The following RHOT1 variants were observed in gnomAD, a reference collection of about 807,000 sequenced individuals.
The protein encoded by RHOT1 is ras homolog family member T1, also known as mitochondrial Rho GTPase 1.
RHOT1 carries 27 observed loss-of-function variants against 95.3 expected under a neutral mutation model. The ratio of observed to expected loss-of-function variants is 0.28; its 90% confidence interval spans 0.21 to 0.39. The LOEUF (loss-of-function observed/expected upper bound fraction) is 0.39, where lower values mean the gene tolerates loss of function less well. Among genes scored for constraint, RHOT1 ranks in the 10% least tolerant of loss-of-function variants. RHOT1 has a pLI of 1.00. For missense variants in RHOT1, 578 were observed against 786.7 expected (o/e 0.73, Z 3.17); for synonymous variants, 227 against 263.5 (o/e 0.86, Z 1.34).
chr17:32,150,879 A>G lies in RHOT1; in HGVS notation c.37+8150A>G, dbSNP rs536791107. 2,847 of 1,540,222 alleles carry G rather than the reference A, an allele frequency of 1.8e-3. 7 individuals are homozygous for G. The highest frequency in any genetic ancestry group is 5.3e-3 in the Middle Eastern group (31 of 5,800). On this transcript the variant is annotated intron_variant, in intron 1 of 19. Coordinates refer to ENST00000545287, the MANE Select transcript of RHOT1 (RefSeq NM_001033566.3). Reference sequence around the variant, plus strand: ...AATCTGAAACCACGGGAGAAAAAGCATAAGCACTGGGGGATGTTCTGGGGG... The same window carrying G: ...AATCTGAAACCACGGGAGAAAAAGCGTAAGCACTGGGGGATGTTCTGGGGG...
At chr17:32,175,687 C>T (rs1030710200) in intron 4 of RHOT1, among the ~76,000 whole-genome samples, 1 of 152,182 alleles carries the variant, frequency 6.6e-6, no homozygotes, top group Admixed American at 6.6e-5. Flanking sequence ...AACTCCTGCC[C>T]TCAAGTGATA....
chr17:32,190,885 T>C (rs2036439118), intron 8 of RHOT1, among the ~76,000 whole-genome samples: 1 of 152,134 alleles, frequency 6.6e-6, no homozygotes, highest in Non-Finnish European at 1.5e-5. Flanking sequence ...AACCTCTGCC[T>C]CCCGGGTTCA....
intron 6 of RHOT1, among the ~76,000 whole-genome samples, chr17:32,180,651 C>T (rs1386244160): frequency 5.8e-5 from 2 of 34,208 alleles, no homozygotes; most frequent in Non-Finnish European, 1.3e-4. Context: ...AAAAAAAGTA[C>T]AAGAAAAAAA....
Position 32,158,754 on chromosome 17 carries a change from G to A in RHOT1, c.38-12289G>A, listed in dbSNP as rs544410170. The stretch of plus-strand genomic sequence containing the variant: ...ATTGCAGGCATGAGCCAGCGTGTCC[G>A]GCCGTTTCTTGGTATTTTAGCTATA... On this transcript the variant is annotated intron_variant, in intron 1 of 19. Coordinates refer to ENST00000545287, the MANE Select transcript of RHOT1 (RefSeq NM_001033566.3). 1.4e-4 allele frequency among the ~76,000 whole-genome samples: 22 copies of A among 152,246 alleles called. 1 individual carries two copies. The highest frequency in any genetic ancestry group is 5.3e-4 in the African/African-American group (22 of 41,524).
chr17:32,215,765 C>T (rs535702146), intron 19 of RHOT1, among the ~76,000 whole-genome samples: 4 of 152,154 alleles, frequency 2.6e-5, no homozygotes, highest in East Asian at 1.9e-4. Context: ...TTTAATTGAA[C>T]GTATATTAAC....
At chr17:32,201,143 C>A in intron 14 of RHOT1, 87 bp downstream of exon 14, 1 of 715,212 alleles carries the variant, frequency 1.4e-6, no homozygotes, top group Non-Finnish European at 2.3e-6. Flanking sequence ...AGAATACACT[C>A]ATCTTCATTA....
intron 8 of RHOT1, among the ~76,000 whole-genome samples, chr17:32,187,815 T>C (rs2036172268): frequency 1.3e-5 from 2 of 152,210 alleles, no homozygotes; most frequent in South Asian, 4.1e-4. Flanking sequence ...GTGATCTGCC[T>C]GCCTTGGCCT....
intron 1 of RHOT1, among the ~76,000 whole-genome samples, chr17:32,162,108 G>C (rs570015689): frequency 1.3e-5 from 2 of 152,278 alleles, no homozygotes; most frequent in African/African-American, 4.8e-5. Flanking sequence ...CTTGACTCCA[G>C]CTGTTTCCCT....
chr17:32,209,355 A>T (rs771050102), intron 18 of RHOT1: 4 of 1,593,384 alleles, frequency 2.5e-6, no homozygotes, highest in Non-Finnish European at 3.4e-6. Flanking sequence ...TACAGAGAGG[A>T]TCATTACAGA....
Position 32,182,754 on chromosome 17 carries a change from T to C in RHOT1, c.330-3T>C, listed in dbSNP as rs1255875899. The C allele has an allele frequency of 3.2e-6, 5 of 1,549,818 alleles. No individual in the cohort carries two copies. The African/African-American group carries it at 5.5e-5, about 17-fold the overall frequency. On this transcript the variant is annotated splice_polypyrimidine_tract_variant and splice_region_variant and intron_variant, in intron 6 of 19. Coordinates refer to ENST00000545287, the MANE Select transcript of RHOT1 (RefSeq NM_001033566.3). ...TTATTACAATGTGCCCTGTTTATTT[T>C]AGGCTGCCTTTAATATTGGTTGGGA...
At chr17:32,214,290 C>T (rs1598462704) in intron 19 of RHOT1, among the ~76,000 whole-genome samples, 1 of 152,154 alleles carries the variant, frequency 6.6e-6, no homozygotes, top group African/African-American at 2.4e-5. Flanking sequence ...AAAGAGGCAG[C>T]CACCACTCAG....
intron 13 of RHOT1, among the ~76,000 whole-genome samples, 180 bp from the exon 14 acceptor site, chr17:32,200,776 A>C (rs80009584): frequency 2.5e-4 from 34 of 137,264 alleles, no homozygotes; most frequent in African/African-American, 9.9e-4. Flanking sequence ...CCTATCTTTC[A>C]AAAAAAAAAA....
chr17:32,151,391 G>T, intron 1 of RHOT1: 1 of 632,556 alleles, frequency 1.6e-6, no homozygotes, highest in Non-Finnish European at 2.9e-6. Flanking sequence ...CAGTTTGGAT[G>T]ACAGAGTGAA....
At chr17:32,195,337 C>T (rs188592401) in intron 11 of RHOT1, among the ~76,000 whole-genome samples, 1 of 152,144 alleles carries the variant, frequency 6.6e-6, no homozygotes, top group East Asian at 1.9e-4. Flanking sequence ...TGATCTTGAA[C>T]TCCTGGCCTC....
intron 1 of RHOT1, among the ~76,000 whole-genome samples, chr17:32,143,948 G>A (rs1274690875): frequency 6.6e-6 from 1 of 152,186 alleles, no homozygotes; most frequent in Non-Finnish European, 1.5e-5. Flanking sequence ...GCTGTTTGGA[G>A]AAATCTTCCT....
rs762740136 is a variant in RHOT1, at chr17:32,207,061, T to A, written c.1536+32T>A. On this transcript the variant is annotated intron_variant, in intron 17 of 19. Coordinates refer to ENST00000545287, the MANE Select transcript of RHOT1 (RefSeq NM_001033566.3). ...TGCTCCTACAGACTATGACTGAATG[T>A]AACTTCATATGGACTTTTTATGGAA... 26 of 1,574,514 alleles carry A rather than the reference T, an allele frequency of 1.7e-5. No individual in the cohort carries two copies. The African/African-American group carries it at 3.0e-4, about 18-fold the overall frequency.
At chr17:32,168,159 C>T (rs1383033165) in intron 1 of RHOT1, among the ~76,000 whole-genome samples, 2 of 151,954 alleles carry the variant, frequency 1.3e-5, no homozygotes, top group Non-Finnish European at 2.9e-5. Flanking sequence ...ACTGACAATA[C>T]ACCTGGTCAC....
chr17:32,220,728 C>T (rs2038779841), intron 19 of RHOT1, among the ~76,000 whole-genome samples: 1 of 145,792 alleles, frequency 6.9e-6, no homozygotes, highest in Admixed American at 7.0e-5. Flanking sequence ...CCCAGCTACT[C>T]GGGAGACTGA....
intron 1 of RHOT1, among the ~76,000 whole-genome samples, chr17:32,153,665 G>A (rs7220511): frequency 0.27 from 41,711 of 151,866 alleles, 7,421 homozygotes; most frequent in African/African-American, 0.51. Context: ...TCTCAAAAAA[G>A]AAAAGTGTAA....
Sources: gnomAD v4.1 joint callset for allele counts (sites outside exome capture counted in the v4.1 genomes callset) on GRCh38, gnomAD v4.1.1 for gene constraint, MANE v1.5 for transcripts, NCBI Gene and HGNC (gene_info 2026-07-23, HGNC 2026-07-21) for gene names.